LRRC4C: variants seen among roughly 807,000 people sequenced by gnomAD.
LRRC4C encodes the protein leucine-rich repeat-containing protein 4C.
Under a neutral mutation model 33.6 loss-of-function variants are expected in LRRC4C, and 5 were observed. That is an observed-to-expected ratio of 0.15 (90% confidence interval 0.08 to 0.31). The LOEUF (loss-of-function observed/expected upper bound fraction) is 0.31. LRRC4C is among the 10% of genes least tolerant of loss of function. LRRC4C has a pLI of 1.00. For synonymous variants in LRRC4C, 329 were observed against 302.0 expected (o/e 1.09, Z -0.93); for missense variants, 560 against 796.7 (o/e 0.70, Z 3.58).
intron 1 of LRRC4C, among the ~76,000 whole-genome samples, chr11:41,289,320 C>G (rs1447450121): frequency 6.6e-6 from 1 of 151,986 alleles, no homozygotes; most frequent in Non-Finnish European, 1.5e-5. Context: ...TTAAGCATAC[C>G]TATCACAGGA....
intron 1 of LRRC4C, among the ~76,000 whole-genome samples, chr11:41,308,383 A>G (rs1367773984): frequency 6.6e-6 from 1 of 152,140 alleles, no homozygotes; most frequent in Non-Finnish European, 1.5e-5. Context: ...TTTCCTAAGC[A>G]GCTCAAAACC....
chr11:41,392,148 T>A (rs914522556), intron 1 of LRRC4C, among the ~76,000 whole-genome samples: 2 of 151,890 alleles, frequency 1.3e-5, no homozygotes, highest in African/African-American at 2.4e-5. Context: ...TGCTGTGGAA[T>A]TCATGATAAG....
chr11:40,473,176 CTGA>C (rs1164835033), intron 3 of LRRC4C, among the ~76,000 whole-genome samples: 3 of 152,200 alleles, frequency 2.0e-5, no homozygotes, highest in Non-Finnish European at 4.4e-5. Context: ...GCCAATATCC[CTGA>C]TGAACATCAA....
At chr11:41,122,098 A>G (rs906142232) in intron 1 of LRRC4C, among the ~76,000 whole-genome samples, 2 of 152,148 alleles carry the variant, frequency 1.3e-5, no homozygotes, top group Non-Finnish European at 2.9e-5. Context: ...GAGAGATGCA[A>G]AAGCAAAAAT....
intron 1 of LRRC4C, among the ~76,000 whole-genome samples, chr11:40,936,451 C>G (rs1484915563): frequency 2.6e-5 from 4 of 151,000 alleles, no homozygotes; most frequent in African/African-American, 9.7e-5. Flanking sequence ...CATTCTCCTG[C>G]CTCAGCCTCC....
rs114285249 is a variant in LRRC4C at position 40,692,369 on chromosome 11, G to A, written c.-406-44091C>T. Among the ~76,000 whole-genome samples the A allele has an allele frequency of 8.0e-3, 1,212 of 151,974 alleles. 17 individuals are homozygous for A. Among genetic ancestry groups the A allele is most frequent in the African/African-American group, 0.028 (1,173 of 41,472 alleles). On this transcript the variant is annotated intron_variant, in intron 2 of 6. Transcript: ENST00000528697. ...CTCTCCACTTTCTTCACTTTCCACC[G>A]GTTCTTTCAACACATAGAGAGGCAT... is the stretch of plus-strand genomic sequence containing the variant.
At chr11:40,934,983 C>T (rs939518910) in intron 1 of LRRC4C, among the ~76,000 whole-genome samples, 3 of 152,116 alleles carry the variant, frequency 2.0e-5, no homozygotes, top group East Asian at 3.9e-4. Flanking sequence ...ATGACTTACA[C>T]GTTGACCCTA....
intron 2 of LRRC4C, among the ~76,000 whole-genome samples, chr11:40,785,653 G>A (rs1309233795): frequency 6.6e-6 from 1 of 152,084 alleles, no homozygotes; most frequent in East Asian, 1.9e-4. Context: ...CTATCCTTTG[G>A]TGGGATGAGG....
chr11:40,555,897 C>T (rs1286670507), intron 3 of LRRC4C, among the ~76,000 whole-genome samples: 1 of 152,158 alleles, frequency 6.6e-6, no homozygotes, highest in Non-Finnish European at 1.5e-5. Context: ...AATTTTAAAA[C>T]CTTGATCATG....
intron 1 of LRRC4C, among the ~76,000 whole-genome samples, chr11:41,053,590 A>T (rs574364201): frequency 6.6e-6 from 1 of 152,272 alleles, no homozygotes; most frequent in South Asian, 2.1e-4. Context: ...TAAACTGCTA[A>T]TTTTTTGGTA....
At chr11:40,571,245 G>A (rs1326066428) in intron 3 of LRRC4C, among the ~76,000 whole-genome samples, 1 of 152,098 alleles carries the variant, frequency 6.6e-6, no homozygotes, top group Non-Finnish European at 1.5e-5. Flanking sequence ...CTAGGGTTCC[G>A]TGCTGTTTGA....
intron 2 of LRRC4C, among the ~76,000 whole-genome samples, chr11:40,653,192 T>C (rs969068785): frequency 2.0e-5 from 3 of 152,184 alleles, no homozygotes; most frequent in African/African-American, 7.2e-5. Context: ...GATATAAAGA[T>C]ACCTGAAAAT....
At chr11:40,515,187 T>C (rs1225727292) in intron 3 of LRRC4C, among the ~76,000 whole-genome samples, 1 of 152,120 alleles carries the variant, frequency 6.6e-6, no homozygotes, top group Non-Finnish European at 1.5e-5. Context: ...TTAATTAACA[T>C]GTAAAAATAA....
intron 1 of LRRC4C, among the ~76,000 whole-genome samples, chr11:40,970,962 G>A (rs80086552): frequency 0.012 from 1,816 of 152,272 alleles, 25 homozygotes; most frequent in Non-Finnish European, 0.015. Context: ...GAATTGACCT[G>A]GCTGCTTCTA....
At chr11:40,899,239 A>G (rs1484794441) in intron 2 of LRRC4C, among the ~76,000 whole-genome samples, 1 of 152,118 alleles carries the variant, frequency 6.6e-6, no homozygotes, top group Non-Finnish European at 1.5e-5. Flanking sequence ...CCCTTTCTTC[A>G]GCTGTGCATC....
intron 4 of LRRC4C, among the ~76,000 whole-genome samples, chr11:40,288,077 T>C (rs1590917555): frequency 6.6e-6 from 1 of 152,182 alleles, no homozygotes; most frequent in African/African-American, 2.4e-5. Flanking sequence ...TCTGATCTCA[T>C]CCTCACGGCA....
chr11:40,793,815 T>C (rs537539650), intron 2 of LRRC4C, among the ~76,000 whole-genome samples: 20 of 152,358 alleles, frequency 1.3e-4, no homozygotes, highest in Admixed American at 3.9e-4. Context: ...TCTTTGTGCT[T>C]TTATGTACTT....
intron 2 of LRRC4C, among the ~76,000 whole-genome samples, chr11:40,651,447 TG>T (rs577808604): frequency 2.6e-5 from 4 of 152,306 alleles, no homozygotes; most frequent in Admixed American, 6.5e-5. Flanking sequence ...AATAAGTGAT[TG>T]TCCAATTCTT....
At chr11:41,335,729 A>G (rs1344691064) in intron 1 of LRRC4C, among the ~76,000 whole-genome samples, 1 of 152,220 alleles carries the variant, frequency 6.6e-6, no homozygotes, top group Non-Finnish European at 1.5e-5. Flanking sequence ...GAATGAATAT[A>G]TAAGTAAATG....
Sources: gnomAD v4.1 joint callset for allele counts (sites outside exome capture counted in the v4.1 genomes callset) on GRCh38, gnomAD v4.1.1 for gene constraint, MANE v1.5 for transcripts, NCBI Gene and HGNC (gene_info 2026-07-23, HGNC 2026-07-21) for gene names.